Variants in RAB7A observed in about 807,000 individuals in gnomAD.
RAB7A encodes the protein RAB7A, member RAS oncogene family.
In RAB7A, 2 loss-of-function variants were observed where a neutral mutation model predicts 24.5. The observed-to-expected ratio is 0.08, with a 90% CI of 0.03 to 0.26. RAB7A has a LOEUF of 0.26. RAB7A is among the 10% of genes least tolerant of loss of function. The pLI, the probability that RAB7A is intolerant of heterozygous loss-of-function variation, is 1.00. For missense variants in RAB7A, 118 were observed against 255.7 expected, an observed-to-expected ratio of 0.46 and a Z score of 3.67; for synonymous variants, 100 against 95.9, an observed-to-expected ratio of 1.04 and a Z score of -0.25.
intron 1 of RAB7A, among the ~76,000 whole-genome samples, chr3:128,743,247 G>T (rs757266442): frequency 1.3e-5 from 2 of 152,182 alleles, no homozygotes; most frequent in Non-Finnish European, 2.9e-5. Context: ...CACCCACCCG[G>T]AACTCCCGCT....
intron 1 of RAB7A, among the ~76,000 whole-genome samples, chr3:128,794,540 A>G (rs960129850): frequency 2.6e-5 from 4 of 152,236 alleles, no homozygotes; most frequent in African/African-American, 7.2e-5. Flanking sequence ...GAAACTAACA[A>G]GTAGTTCTTC....
chr3:128,800,782 G>T (rs1320767028), intron 3 of RAB7A, among the ~76,000 whole-genome samples: 2 of 152,176 alleles, frequency 1.3e-5, no homozygotes, highest in South Asian at 2.1e-4. Context: ...ACATCTTTAA[G>T]GGCTAGTGGC....
At chr3:128,738,730 T>C (rs1419233743) in intron 1 of RAB7A, among the ~76,000 whole-genome samples, 8 of 152,196 alleles carry the variant, frequency 5.3e-5, no homozygotes, top group Admixed American at 4.6e-4. Flanking sequence ...TACCTGTTTT[T>C]CCCCAAATGT....
intron 1 of RAB7A, among the ~76,000 whole-genome samples, chr3:128,742,195 C>T (rs920779395): frequency 1.3e-5 from 2 of 151,380 alleles, no homozygotes; most frequent in African/African-American, 4.9e-5. Flanking sequence ...TGGAGTTGTT[C>T]GTTCCTCCCG....
chr3:128,781,494 C>T (rs2107605198), intron 1 of RAB7A, among the ~76,000 whole-genome samples: 2 of 151,864 alleles, frequency 1.3e-5, no homozygotes, highest in East Asian at 3.9e-4. Flanking sequence ...TGTAGAGAGA[C>T]CTCATCTCTA....
chr3:128,729,351 A>G (rs2070410797), intron 1 of RAB7A, among the ~76,000 whole-genome samples: 1 of 152,112 alleles, frequency 6.6e-6, no homozygotes, highest in Non-Finnish European at 1.5e-5. Context: ...CAGGTGGATC[A>G]TGAGGTCAGG....
chr3:128,804,978 G>A (rs548268794), intron 3 of RAB7A, among the ~76,000 whole-genome samples: 3 of 152,342 alleles, frequency 2.0e-5, no homozygotes, highest in African/African-American at 7.2e-5. Context: ...GGGTAGAGGG[G>A]AGGAACTTGG....
chr3:128,749,808 A>G (rs1465543214), intron 1 of RAB7A, among the ~76,000 whole-genome samples: 1 of 152,208 alleles, frequency 6.6e-6, no homozygotes, highest in African/African-American at 2.4e-5. Flanking sequence ...ACGTGGAACT[A>G]TAAATCCAGT....
At chr3:128,811,828 G>A (rs144875699) in intron 5 of RAB7A, among the ~76,000 whole-genome samples, 4,553 of 150,120 alleles carry the variant, frequency 0.03, 121 homozygotes, top group Non-Finnish European at 0.044. Flanking sequence ...CAGCCTGGGC[G>A]ACAGAGCAAG....
rs1292864349 is a variant in RAB7A at position 128,798,154 on chromosome 3, C to T, written c.180+85C>T. 1.4e-5 allele frequency: 21 copies of T among 1,520,724 alleles called. No individual in the cohort carries two copies. In the East Asian group the frequency reaches 2.5e-4, roughly 18 times the overall value. 94.2% of individuals were successfully genotyped at this position (1,520,724 alleles called of 1,614,324 possible). Reference sequence around the variant, plus strand: ...TCCTCATGCATAGACATTTTCCTTCCCTGTTCTTCAAATCTTATTATCTTA... The same window carrying T: ...TCCTCATGCATAGACATTTTCCTTCTCTGTTCTTCAAATCTTATTATCTTA... On this transcript the variant is annotated intron_variant, in intron 3 of 5. Coordinates refer to ENST00000265062, the MANE Select transcript of RAB7A (RefSeq NM_004637.6).
chr3:128,726,565 C>T (rs1049412465), intron 1 of RAB7A, among the ~76,000 whole-genome samples: 3 of 152,124 alleles, frequency 2.0e-5, no homozygotes, highest in East Asian at 1.9e-4. Context: ...TCGGGCGTGA[C>T]CTCTGGCCGG....
intron 5 of RAB7A, 111 bp from the exon 6 acceptor site, chr3:128,813,216 C>T (rs924355837): frequency 5.0e-6 from 5 of 1,002,254 alleles, no homozygotes; most frequent in Admixed American, 1.7e-5. Flanking sequence ...CAGCTCCCCG[C>T]CCACTCTGCC....
chr3:128,790,581 T>C (rs1436986136), intron 1 of RAB7A, among the ~76,000 whole-genome samples: 2 of 152,354 alleles, frequency 1.3e-5, no homozygotes, highest in African/African-American at 2.4e-5. Context: ...GAAGAGGAGA[T>C]GTAGAGATCT....
chr3:128,810,822 G>T (rs562140323), intron 5 of RAB7A, among the ~76,000 whole-genome samples: 76 of 151,718 alleles, frequency 5.0e-4, no homozygotes, highest in African/African-American at 1.8e-3. Flanking sequence ...GGGAGGCTGA[G>T]GCGGGTGGAT....
intron 1 of RAB7A, among the ~76,000 whole-genome samples, chr3:128,738,338 A>G (rs1045514611): frequency 6.6e-6 from 1 of 152,144 alleles, no homozygotes; most frequent in Non-Finnish European, 1.5e-5. Flanking sequence ...CAAGAACCCT[A>G]TGTTTTTCCA....
chr3:128,744,473 G>T (rs1452315884), intron 1 of RAB7A, among the ~76,000 whole-genome samples: 1 of 152,156 alleles, frequency 6.6e-6, no homozygotes, highest in Non-Finnish European at 1.5e-5. Flanking sequence ...TTTGAAATAT[G>T]ATGCATTATT....
rs1320752612 is a variant in RAB7A at position 128,813,509 on chromosome 3, C to T, written c.*87C>T. On this transcript the variant is annotated 3_prime_UTR_variant, in exon 6 of 6. Coordinates refer to ENST00000265062, the MANE Select transcript of RAB7A (RefSeq NM_004637.6). ...CACAATTCCCCTCTCCTCTTCCAAACAAAACATACATTGATCTCTCACATC... is the reference window on the plus strand; with the variant it reads ...CACAATTCCCCTCTCCTCTTCCAAATAAAACATACATTGATCTCTCACATC... 1.6e-6 allele frequency: 2 copies of T among 1,253,254 alleles called. No homozygotes were observed. Among genetic ancestry groups the T allele is most frequent in the Non-Finnish European group, 2.3e-6 (2 of 858,274 alleles). 77.6% of individuals were successfully genotyped at this position (1,253,254 alleles called of 1,614,324 possible).
intron 1 of RAB7A, among the ~76,000 whole-genome samples, chr3:128,758,469 GT>G (rs1262217909): frequency 2.0e-5 from 3 of 151,724 alleles, no homozygotes; most frequent in Non-Finnish European, 4.4e-5. Context: ...TAGAGACGGG[GT>G]TTCATCGTGT....
chr3:128,736,673 ACAGT>A (rs2070492572), intron 1 of RAB7A, among the ~76,000 whole-genome samples: 2 of 152,160 alleles, frequency 1.3e-5, no homozygotes, highest in African/African-American at 4.8e-5. Flanking sequence ...AAGTTATTTA[ACAGT>A]ATTTAAATTT....
Sources: allele counts gnomAD v4.1 joint callset (sites outside exome capture counted in the v4.1 genomes callset), GRCh38; gene constraint gnomAD v4.1.1; transcripts MANE v1.5; gene names NCBI Gene and HGNC (gene_info 2026-07-23, HGNC 2026-07-21).